The following DLG2 variants were observed in gnomAD, a reference collection of about 807,000 sequenced individuals.
DLG2 encodes disks large homolog 2.
Under a neutral mutation model 132.5 loss-of-function variants are expected in DLG2, and 45 were observed. The observed-to-expected ratio is 0.34, with a 90% CI of 0.27 to 0.44. The LOEUF (loss-of-function observed/expected upper bound fraction) is 0.44, where lower values mean the gene tolerates loss of function less well. Ranked by LOEUF, DLG2 falls within the 20% of genes least tolerant of loss-of-function variation. The probability of loss-of-function intolerance (pLI) is 1.00; values close to 1 mark genes in which losing one functional copy is unlikely to be tolerated. For missense variants in DLG2, 1,045 were observed against 1,196.9 expected (o/e 0.87, Z 1.87); for synonymous variants, 424 against 419.6 (o/e 1.01, Z -0.13).
At chr11:83,873,452 G>C (rs1184305635) in intron 16 of DLG2, among the ~76,000 whole-genome samples, 1 of 152,104 alleles carries the variant, frequency 6.6e-6, no homozygotes, top group Non-Finnish European at 1.5e-5. Context: ...CATGAGATCT[G>C]ATGGTTTTAT....
At chr11:84,573,121 T>C (rs1391957729) in intron 6 of DLG2, among the ~76,000 whole-genome samples, 2 of 152,146 alleles carry the variant, frequency 1.3e-5, no homozygotes, top group African/African-American at 2.4e-5. Context: ...TGGGTAGCAA[T>C]AGACAACTGA....
intron 7 of DLG2, among the ~76,000 whole-genome samples, chr11:84,465,495 A>G (rs1003417967): frequency 6.6e-6 from 1 of 151,236 alleles, no homozygotes; most frequent in African/African-American, 2.4e-5. Flanking sequence ...AGACAATGAT[A>G]GAGACTTTCC....
chr11:85,513,433 C>A (rs1048045986), intron 3 of DLG2, among the ~76,000 whole-genome samples: 1 of 151,920 alleles, frequency 6.6e-6, no homozygotes, highest in African/African-American at 2.4e-5. Flanking sequence ...AGATTTTGTA[C>A]TTCAAGAGAC....
chr11:85,190,666 G>A (rs990998060), intron 4 of DLG2, among the ~76,000 whole-genome samples: 1 of 151,976 alleles, frequency 6.6e-6, no homozygotes, highest in African/African-American at 2.4e-5. Context: ...AATCAGAAAC[G>A]ACAAAGGTGA....
chr11:84,974,082 C>A (rs1250526358), intron 6 of DLG2, among the ~76,000 whole-genome samples: 1 of 152,070 alleles, frequency 6.6e-6, no homozygotes, highest in Non-Finnish European at 1.5e-5. Context: ...CCCAAACAGA[C>A]CAAAGGAAGT....
At chr11:85,152,061 A>G (rs778683256) in intron 5 of DLG2, among the ~76,000 whole-genome samples, 5 of 152,190 alleles carry the variant, frequency 3.3e-5, no homozygotes, top group Non-Finnish European at 7.3e-5. Flanking sequence ...TACCAGAAAA[A>G]TAGAGCTGAG....
intron 6 of DLG2, among the ~76,000 whole-genome samples, chr11:84,914,098 T>C (rs2092302582): frequency 1.3e-5 from 2 of 152,212 alleles, no homozygotes; most frequent in Non-Finnish European, 2.9e-5. Flanking sequence ...GTAAATCTAG[T>C]TATACCTATA....
At chr11:83,894,426 CAAGGAAACAAAA>C (rs1254215510) in intron 15 of DLG2, among the ~76,000 whole-genome samples, 3 of 151,936 alleles carry the variant, frequency 2.0e-5, no homozygotes, top group East Asian at 3.9e-4. Flanking sequence ...TACAGAGCCC[CAAGGAAACAAAA>C]AAGGAAACAA....
At chr11:84,873,757 CT>C in intron 6 of DLG2, among the ~76,000 whole-genome samples, 1 of 152,332 alleles carries the variant, frequency 6.6e-6, no homozygotes, top group Middle Eastern at 3.4e-3. Context: ...CAATAATACC[CT>C]GCCTTTAGGC....
intron 3 of DLG2, among the ~76,000 whole-genome samples, chr11:85,529,797 G>C (rs1252832636): frequency 6.6e-6 from 1 of 152,054 alleles, no homozygotes; most frequent in Non-Finnish European, 1.5e-5. Flanking sequence ...ACCAAATACA[G>C]TTATATGTTT....
intron 18 of DLG2, among the ~76,000 whole-genome samples, chr11:83,715,875 C>G (rs2086574676): frequency 1.3e-5 from 2 of 152,188 alleles, no homozygotes; most frequent in East Asian, 3.8e-4. Context: ...CTCAATGTTT[C>G]ACACCTCAGC....
chr11:84,373,265 C>CAAAAAAAAAAAAAAAAAAAAAAAAAAA lies in DLG2; in HGVS notation c.520-121975_520-121974insTTTTTTTTTTTTTTTTTTTTTTTTTTT, dbSNP rs59038372. Among the ~76,000 whole-genome samples the CAAAAAAAAAAAAAAAAAAAAAAAAAAA allele has an allele frequency of 1.9e-4, 19 of 98,090 alleles. 1 individual carries two copies. Among genetic ancestry groups the CAAAAAAAAAAAAAAAAAAAAAAAAAAA allele is most frequent in the South Asian group, 3.5e-4 (1 of 2,884 alleles). 64.4% of individuals were successfully genotyped at this position (98,090 alleles called of 152,430 possible). ...AGAAACAGTCAAAAAAAAAAAAAAACAAAACAAAAAAAAAACCCACCAGGC... is the reference window on the plus strand; with the variant it reads ...AGAAACAGTCAAAAAAAAAAAAAAACAAAAAAAAAAAAAAAAAAAAAAAAAAAAAAACAAAAAAAAAACCCACCAGGC... On this transcript the variant is annotated intron_variant, in intron 7 of 27. Transcript: ENST00000376104.
At chr11:84,074,225 GCTCAA>G (rs1321066014) in intron 10 of DLG2, among the ~76,000 whole-genome samples, 1 of 152,138 alleles carries the variant, frequency 6.6e-6, no homozygotes, top group Non-Finnish European at 1.5e-5. Flanking sequence ...CCAGTGGCCA[GCTCAA>G]CTCCTCACAA....
chr11:85,030,862 GATTTTT>G (rs1480043886), intron 6 of DLG2, among the ~76,000 whole-genome samples: 1 of 151,024 alleles, frequency 6.6e-6, no homozygotes, highest in Admixed American at 6.6e-5. Context: ...TTTTATTTTC[GATTTTT>G]ATTTTTGATA....
At chr11:85,511,792 C>T (rs190396269) in intron 3 of DLG2, among the ~76,000 whole-genome samples, 2 of 150,504 alleles carry the variant, frequency 1.3e-5, no homozygotes, top group African/African-American at 4.9e-5. Context: ...GATTATAGCT[C>T]ACTGCAGCCT....
chr11:84,170,830 C>G (rs1390336656), intron 8 of DLG2, among the ~76,000 whole-genome samples: 1 of 152,122 alleles, frequency 6.6e-6, no homozygotes, highest in African/African-American at 2.4e-5. Flanking sequence ...CCAGCTCTGA[C>G]CTAGCAACAG....
intron 6 of DLG2, among the ~76,000 whole-genome samples, chr11:85,103,817 C>T (rs2071264671): frequency 6.6e-6 from 1 of 151,836 alleles, no homozygotes; most frequent in African/African-American, 2.4e-5. Flanking sequence ...CTGCAGATCA[C>T]ATATCTGATA....
chr11:84,031,839 T>C (rs1231357373), intron 11 of DLG2, among the ~76,000 whole-genome samples: 2 of 152,214 alleles, frequency 1.3e-5, no homozygotes, highest in African/African-American at 2.4e-5. Context: ...GCACCATTTT[T>C]CCAACAGTGT....
In DLG2 at chr11:84,579,188, CGTGT is replaced by C. The variant is rs140667305; in HGVS notation, c.358-44461_358-44458del. On this transcript the variant is annotated intron_variant, in intron 6 of 27. Transcript: ENST00000376104. ...GAACTAATACACCTTGCATTATTCA[CGTGT>C]GTGTGTGTGTGTGTGTGTGTGTGTG... Among the ~76,000 whole-genome samples, 246 of 145,684 alleles carry C rather than the reference CGTGT, an allele frequency of 1.7e-3. 1 individual carries two copies. The highest frequency in any genetic ancestry group is 3.5e-3 in the Middle Eastern group (1 of 282).
Sources: gnomAD v4.1 joint callset for allele counts (sites outside exome capture counted in the v4.1 genomes callset) on GRCh38, gnomAD v4.1.1 for gene constraint, MANE v1.5 for transcripts, NCBI Gene and HGNC (gene_info 2026-07-23, HGNC 2026-07-21) for gene names.